CNIH3: variants seen among roughly 807,000 people sequenced by gnomAD.
CNIH3 encodes the protein cornichon family AMPA receptor auxiliary protein 3, also known as protein cornichon homolog 3.
Under a neutral mutation model 24.1 loss-of-function variants are expected in CNIH3, and 14 were observed. The observed-to-expected ratio is 0.58, with a 90% confidence interval of 0.38 to 0.91. The LOEUF is 0.91. Among genes scored for constraint, CNIH3 ranks in the 40% least tolerant of loss-of-function variants. The probability of loss-of-function intolerance (pLI) is 0.00; values close to 1 mark genes in which losing one functional copy is unlikely to be tolerated. For missense variants in CNIH3, 178 were observed against 196.8 expected (o/e 0.90, Z 0.57); for synonymous variants, 68 against 73.8 (o/e 0.92, Z 0.40).
At position 224,528,146 on chromosome 1, in the gene CNIH3, T is replaced by C. The variant is rs533386608; in HGVS notation, n.343+6819T>C. On this transcript the variant is annotated intron_variant and non_coding_transcript_variant, in intron 2 of 2. Coordinates refer to the CNIH3 transcript ENST00000470602. ...AGGTCTGGTGGCACATGCCTGTAGT[T>C]TGAGCTACTTGGGAAGCTGAGGTGT... Among the ~76,000 whole-genome samples the C allele has an allele frequency of 3.3e-5, 5 of 152,116 alleles. No homozygotes were observed. In the South Asian group the frequency reaches 1.0e-3, roughly 32 times the overall value.
downstream of CNIH3, among the ~76,000 whole-genome samples, chr1:224,542,385 A>G (rs1223909045): frequency 1.3e-5 from 2 of 152,146 alleles, no homozygotes; most frequent in East Asian, 1.9e-4. Context: ...ATGACCTAAA[A>G]TGGAATGATC....
chr1:224,721,053 TCTCTC>T (rs1245707883), intron 3 of CNIH3, among the ~76,000 whole-genome samples: 1 of 152,168 alleles, frequency 6.6e-6, no homozygotes, highest in Non-Finnish European at 1.5e-5. Context: ...AATGGTTTCT[TCTCTC>T]CTTTCCTCCT....
At chr1:224,525,056 G>GAA (rs1358188276) in intron 2 of CNIH3, among the ~76,000 whole-genome samples, 1 of 151,972 alleles carries the variant, frequency 6.6e-6, no homozygotes, top group African/African-American at 2.4e-5. Flanking sequence ...AACAAAGCAG[G>GAA]AAAAAAAGAG....
intron 3 of CNIH3, among the ~76,000 whole-genome samples, chr1:224,691,832 G>A (rs1015592649): frequency 1.3e-5 from 2 of 152,192 alleles, no homozygotes; most frequent in African/African-American, 4.8e-5. Flanking sequence ...TTCTTAAAGT[G>A]ATCTTATTCT....
intron 3 of CNIH3, among the ~76,000 whole-genome samples, chr1:224,700,477 C>T (rs1343983663): frequency 2.0e-5 from 3 of 152,178 alleles, no homozygotes; most frequent in Non-Finnish European, 4.4e-5. Context: ...TTTACCTGCC[C>T]TTGAATTCTG....
chr1:224,534,564 G>A (rs1387889755), intron 2 of CNIH3, among the ~76,000 whole-genome samples: 1 of 152,212 alleles, frequency 6.6e-6, no homozygotes. Context: ...CAAGCAGCAA[G>A]TCTGTGGTCT....
intron 3 of CNIH3, chr1:224,566,156 T>C (rs1250355099): frequency 6.6e-6 from 1 of 152,160 alleles, no homozygotes; most frequent in East Asian, 1.9e-4. Flanking sequence ...GAAGTCTGTT[T>C]GAATGAAGTG....
At chr1:224,711,515 G>A (rs1462619836) in intron 3 of CNIH3, among the ~76,000 whole-genome samples, 1 of 151,772 alleles carries the variant, frequency 6.6e-6, no homozygotes, top group Non-Finnish European at 1.5e-5. Context: ...GAACCAGAGG[G>A]TGGGCGCAGT....
intron 4 of CNIH3, among the ~76,000 whole-genome samples, chr1:224,573,051 A>C (rs1392473082): frequency 1.3e-5 from 2 of 152,224 alleles, no homozygotes; most frequent in Non-Finnish European, 2.9e-5. Flanking sequence ...AATTGTTGAC[A>C]TACAATTATT....
At chr1:224,739,053 A>T (rs775922179) in intron 5 of CNIH3, among the ~76,000 whole-genome samples, 1 of 152,126 alleles carries the variant, frequency 6.6e-6, no homozygotes, top group Non-Finnish European at 1.5e-5. Context: ...CATAATCATC[A>T]TCCTGATGAG....
rs758675940 is a variant in CNIH3 at position 224,654,079 on chromosome 1, T to TAA, written c.82-26865_82-26864dup. On this transcript the variant is annotated intron_variant, in intron 1 of 5. Transcript: ENST00000272133. The stretch of plus-strand genomic sequence containing the variant: ...CTGGACAACAGAGTGAGACCCTGTT[T>TAA]AAAAAAAAAAAAAAAGATTTGGCTG... Among the ~76,000 whole-genome samples, 8 of 139,202 alleles carry TAA rather than the reference T, an allele frequency of 5.7e-5. No individual in the cohort carries two copies. The South Asian group carries it at 7.0e-4, about 12-fold the overall frequency. 91.3% of individuals were successfully genotyped at this position (139,202 alleles called of 152,430 possible). A position where few individuals can be genotyped will look rare whatever the true frequency, so the allele number is the denominator to read the frequency against.
intron 1 of CNIH3, among the ~76,000 whole-genome samples, chr1:224,516,312 CAAAAAAAAAAA>C (rs71574505): frequency 2.1e-4 from 14 of 67,754 alleles, no homozygotes; most frequent in African/African-American, 4.9e-4. Flanking sequence ...GACTCTGTCT[CAAAAAAAAAAA>C]AAAAAAAAAA....
At chr1:224,672,406 C>T (rs1272450751) in intron 1 of CNIH3, among the ~76,000 whole-genome samples, 1 of 152,164 alleles carries the variant, frequency 6.6e-6, no homozygotes, top group African/African-American at 2.4e-5. Context: ...TTAGGGCAGC[C>T]TTAACAAATT....
intron 1 of CNIH3, among the ~76,000 whole-genome samples, chr1:224,495,514 C>G (rs1218379307): frequency 6.6e-6 from 1 of 152,180 alleles, no homozygotes; most frequent in Non-Finnish European, 1.5e-5. Context: ...AAAATAGTCT[C>G]TACTTTAATG....
chr1:224,715,357 G>A (rs1057028952), intron 3 of CNIH3, among the ~76,000 whole-genome samples: 4 of 151,990 alleles, frequency 2.6e-5, no homozygotes, highest in African/African-American at 9.7e-5. Context: ...GTTGGTGACC[G>A]CAAGGACTGT....
intron 3 of CNIH3, among the ~76,000 whole-genome samples, chr1:224,729,137 A>G (rs1689185267): frequency 6.6e-6 from 1 of 152,056 alleles, no homozygotes. Flanking sequence ...GAGGCTGGGG[A>G]CGGTGGCTCG....
At chr1:224,612,904 A>G (rs1003114453), upstream of CNIH3, among the ~76,000 whole-genome samples, 8 of 152,224 alleles carry the variant, frequency 5.3e-5, no homozygotes, top group African/African-American at 1.9e-4. The surrounding 1 kb of genome is among the most constrained non-coding windows in gnomAD (Gnocchi z 4.7). Context: ...AATAAAAAGC[A>G]AAAAAACAGC....
At chr1:224,646,414 T>G (rs1427846392) in intron 1 of CNIH3, among the ~76,000 whole-genome samples, 1 of 152,232 alleles carries the variant, frequency 6.6e-6, no homozygotes, top group East Asian at 1.9e-4. Flanking sequence ...TTTGTTTTTG[T>G]TTTTGTTTTG....
chr1:224,654,522 A>G (rs1685010985), intron 1 of CNIH3, among the ~76,000 whole-genome samples: 3 of 152,248 alleles, frequency 2.0e-5, no homozygotes, highest in Admixed American at 1.3e-4. Flanking sequence ...TTCTTTGGTC[A>G]TAAACTAGGT....
Sources: allele counts gnomAD v4.1 joint callset (sites outside exome capture counted in the v4.1 genomes callset), GRCh38; gene constraint gnomAD v4.1.1; non-coding constraint Gnocchi (gnomAD v3.1); transcripts MANE v1.5; gene names NCBI Gene and HGNC (gene_info 2026-07-23, HGNC 2026-07-21).